PACS1: variants seen among roughly 807,000 people sequenced by gnomAD.
PACS1 encodes the protein PACS-1.
Under a neutral mutation model 115.0 loss-of-function variants are expected in PACS1, and 24 were observed. That is an observed-to-expected ratio of 0.21 (90% CI 0.15 to 0.29). PACS1 has a LOEUF of 0.29. Among genes scored for constraint, PACS1 ranks in the 10% least tolerant of loss-of-function variants. The pLI is 1.00. For missense variants in PACS1, 838 were observed against 1,251.2 expected, an observed-to-expected ratio of 0.67 and a Z score of 4.98; for synonymous variants, 453 against 504.5, an observed-to-expected ratio of 0.90 and a Z score of 1.37.
chr11:66,092,626 G>C (rs947103613), intron 1 of PACS1, among the ~76,000 whole-genome samples: 3 of 152,180 alleles, frequency 2.0e-5, no homozygotes, highest in African/African-American at 7.2e-5. Flanking sequence ...GTAATGCCTA[G>C]GTTTTCTTCT....
intron 9 of PACS1, 30 bp from the exon 10 acceptor site, chr11:66,221,124 C>A: frequency 6.3e-7 from 1 of 1,595,450 alleles, no homozygotes; most frequent in Non-Finnish European, 8.6e-7. Flanking sequence ...GCCCTGGCAG[C>A]ACTGACCCTG....
intron 1 of PACS1, among the ~76,000 whole-genome samples, chr11:66,187,003 T>C (rs1487697811): frequency 6.6e-6 from 1 of 152,150 alleles, no homozygotes; most frequent in Non-Finnish European, 1.5e-5. Context: ...ACGTGGTCTT[T>C]TGGGTCTGGC....
At chr11:66,076,158 A>G (rs1349315950) in intron 1 of PACS1, among the ~76,000 whole-genome samples, 1 of 152,224 alleles carries the variant, frequency 6.6e-6, no homozygotes, top group Non-Finnish European at 1.5e-5. Flanking sequence ...GGAAGCTCAG[A>G]TTACATGAGT....
intron 1 of PACS1, among the ~76,000 whole-genome samples, chr11:66,136,848 A>G (rs1353564369): frequency 6.6e-6 from 1 of 152,156 alleles, no homozygotes; most frequent in Non-Finnish European, 1.5e-5. Flanking sequence ...TGAATGACTC[A>G]GTTTTTTCAC....
At chr11:66,173,089 T>TG (rs200981839) in intron 1 of PACS1, among the ~76,000 whole-genome samples, 2,986 of 148,918 alleles carry the variant, frequency 0.02, 79 homozygotes, top group African/African-American at 0.062. Context: ...TTTTTGATTT[T>TG]GGTTTTTTTT....
rs1304025912 is a variant in PACS1 at position 66,230,956 on chromosome 11, C to T, written c.1626+16C>T. The T allele has an allele frequency of 5.0e-6, 8 of 1,613,342 alleles. No individual in the cohort carries two copies. Among genetic ancestry groups the T allele is most frequent in the Non-Finnish European group, 6.8e-6 (8 of 1,179,960 alleles). On this transcript the variant is annotated intron_variant, in intron 13 of 23. Coordinates refer to ENST00000320580, the MANE Select transcript of PACS1 (RefSeq NM_018026.4). ...CAGCACGCAGGTACTTCTGGGTGCC[C>T]CCAAAACACCAGGACCCTCTGAGAT...
intron 1 of PACS1, among the ~76,000 whole-genome samples, chr11:66,153,036 G>GAA (rs1163103437): frequency 6.6e-6 from 1 of 152,186 alleles, no homozygotes; most frequent in Non-Finnish European, 1.5e-5. Flanking sequence ...TCTACAGGAA[G>GAA]AAATAAAGGG....
rs1855740756 is a variant in PACS1, at chr11:66,238,138, T to C, written c.2251-666T>C. The C allele has an allele frequency of 8.1e-6, 8 of 982,948 alleles. No homozygotes were observed. The South Asian group carries it at 2.4e-4, about 29-fold the overall frequency. The allele number at this position is 982,948 out of a possible 1,614,324, so 60.9% of individuals were successfully genotyped here. ...CCAGGCTGTCCTTTCCAGAATTCTCTATGGAGAATTGAAAATTCCTAAAGA... is the reference window on the plus strand; with the variant it reads ...CCAGGCTGTCCTTTCCAGAATTCTCCATGGAGAATTGAAAATTCCTAAAGA... On this transcript the variant is annotated intron_variant, in intron 19 of 23. Coordinates refer to ENST00000320580, the MANE Select transcript of PACS1 (RefSeq NM_018026.4).
In PACS1 at chr11:66,241,368, C is replaced by T. The variant is rs942036271; in HGVS notation, c.2430-59C>T. On this transcript the variant is annotated intron_variant, in intron 21 of 23. Transcript: ENST00000320580. ...CTGGCATGGCCCCTACCCCATCAGG[C>T]CTATGTAGTTGGGAGCTGAAGGCAG... 4 of 1,336,670 alleles carry T rather than the reference C, an allele frequency of 3.0e-6. No homozygotes were observed. The African/African-American group carries it at 5.8e-5, about 19-fold the overall frequency. The allele number at this position is 1,336,670 out of a possible 1,614,324, so 82.8% of individuals were successfully genotyped here. A position where few individuals can be genotyped will look rare whatever the true frequency, so the allele number is the denominator to read the frequency against.
intron 4 of PACS1, among the ~76,000 whole-genome samples, chr11:66,215,790 C>CT (rs1746189478): frequency 6.6e-6 from 1 of 151,664 alleles, no homozygotes; most frequent in Non-Finnish European, 1.5e-5. Context: ...ATCCCAGCTA[C>CT]TTGGGAGCCT....
At chr11:66,241,383 G>A (rs767733919) in intron 21 of PACS1, 44 bp from the exon 22 acceptor site, 2 of 1,474,898 alleles carry the variant, frequency 1.4e-6, no homozygotes, top group African/African-American at 1.4e-5. Context: ...GTAGTTGGGA[G>A]CTGAAGGCAG....
chr11:66,208,126 A>G (rs941968098), intron 2 of PACS1, among the ~76,000 whole-genome samples: 2 of 152,116 alleles, frequency 1.3e-5, no homozygotes, highest in African/African-American at 4.8e-5. Context: ...GCATCGCTAT[A>G]TAATGACATA....
At chr11:66,217,471 C>A in intron 7 of PACS1, 1 of 439,392 alleles carries the variant, frequency 2.3e-6, no homozygotes. Context: ...GAATTCACAG[C>A]TCCATTTACC....
intron 1 of PACS1, among the ~76,000 whole-genome samples, chr11:66,164,326 T>C (rs1458225975): frequency 1.3e-5 from 2 of 152,000 alleles, no homozygotes; most frequent in South Asian, 2.1e-4. Flanking sequence ...ATTTCAAAAA[T>C]AGCACAGTGA....
chr11:66,167,261 C>T (rs72936625), intron 1 of PACS1, among the ~76,000 whole-genome samples: 3,718 of 149,354 alleles, frequency 0.025, 103 homozygotes, highest in Non-Finnish European at 0.04. Context: ...CTTTTTCTTA[C>T]TGACTTATAG....
intron 1 of PACS1, among the ~76,000 whole-genome samples, chr11:66,108,638 A>G (rs1372885352): frequency 1.3e-5 from 2 of 152,110 alleles, no homozygotes; most frequent in Admixed American, 1.3e-4. Context: ...GGTGGTATGT[A>G]CCTGTAGTCC....
intron 10 of PACS1, among the ~76,000 whole-genome samples, chr11:66,223,390 G>A (rs992338203): frequency 5.2e-5 from 3 of 58,250 alleles, no homozygotes; most frequent in Non-Finnish European, 1.0e-4. Context: ...CGCTGTGCCC[G>A]GCCTATTTTT....
At chr11:66,094,777 C>T (rs1430586049) in intron 1 of PACS1, among the ~76,000 whole-genome samples, 2 of 152,198 alleles carry the variant, frequency 1.3e-5, no homozygotes, top group East Asian at 3.8e-4. Context: ...CCTTGATGAA[C>T]ATCGATGCAA....
chr11:66,072,422 C>T (rs1185629017), intron 1 of PACS1, among the ~76,000 whole-genome samples: 1 of 152,156 alleles, frequency 6.6e-6, no homozygotes. Context: ...GGGATTGCCG[C>T]TCGCAGGGTA....
Sources: gnomAD v4.1 joint callset for allele counts (sites outside exome capture counted in the v4.1 genomes callset) on GRCh38, gnomAD v4.1.1 for gene constraint, MANE v1.5 for transcripts, NCBI Gene and HGNC (gene_info 2026-07-23, HGNC 2026-07-21) for gene names.